Variants in PTPRD observed in about 807,000 individuals in gnomAD.
PTPRD encodes receptor-type tyrosine-protein phosphatase delta.
In PTPRD, 34 loss-of-function variants were observed where a neutral mutation model predicts 214.5. The ratio of observed to expected loss-of-function variants is 0.16; its 90% confidence interval spans 0.12 to 0.21. The LOEUF (loss-of-function observed/expected upper bound fraction) is 0.21. PTPRD is among the 10% of genes least tolerant of loss of function. The probability of loss-of-function intolerance (pLI) is 1.00; values close to 1 mark genes in which losing one functional copy is unlikely to be tolerated. For missense variants in PTPRD, 2,545 were observed against 2,398.7 expected (o/e 1.06, Z -1.27); for synonymous variants, 1,128 against 845.7 (o/e 1.33, Z -5.79).
At chr9:10,217,604 G>T (rs954844221) in intron 3 of PTPRD, among the ~76,000 whole-genome samples, 4 of 151,942 alleles carry the variant, frequency 2.6e-5, no homozygotes, top group African/African-American at 9.7e-5. Context: ...TACTTGAGAT[G>T]AGCTTAATGC....
chr9:10,260,832 G>T (rs2093642607), intron 3 of PTPRD, among the ~76,000 whole-genome samples: 1 of 151,860 alleles, frequency 6.6e-6, no homozygotes, highest in Non-Finnish European at 1.5e-5. Context: ...CCTACTAATA[G>T]CCTTGTTTGT....
At chr9:9,787,599 G>C (rs2098934646) in intron 5 of PTPRD, among the ~76,000 whole-genome samples, 2 of 151,848 alleles carry the variant, frequency 1.3e-5, no homozygotes, top group South Asian at 2.1e-4. Context: ...TTGAGGAATG[G>C]AGAAAAACAT....
Position 8,336,519 on chromosome 9 carries a change from C to T in PTPRD, c.5379+2403G>A, listed in dbSNP as rs1361840335. 4.2e-5 allele frequency among the ~76,000 whole-genome samples: 6 copies of T among 143,374 alleles called. No homozygotes were observed. The East Asian group carries it at 1.2e-3, about 30-fold the overall frequency. 94.1% of individuals were successfully genotyped at this position (143,374 alleles called of 152,430 possible). On this transcript the variant is annotated intron_variant, in intron 43 of 45. Transcript: ENST00000381196. ...AGAAGAAAACCTAGGCAATACCATT[C>T]AGGACATAGGTATACACAAAGACTT...
At chr9:10,465,030 T>C (rs1225676572) in intron 2 of PTPRD, among the ~76,000 whole-genome samples, 1 of 152,150 alleles carries the variant, frequency 6.6e-6, no homozygotes, top group Non-Finnish European at 1.5e-5. Flanking sequence ...ATCCTGCTAA[T>C]TTAAAAGACA....
chr9:9,179,634 G>A (rs1489241584), intron 10 of PTPRD, among the ~76,000 whole-genome samples: 1 of 152,092 alleles, frequency 6.6e-6, no homozygotes, highest in Non-Finnish European at 1.5e-5. Context: ...TGAGCAAAAA[G>A]ACATACACCC....
chr9:9,890,585 A>T (rs1440167685), intron 5 of PTPRD, among the ~76,000 whole-genome samples: 2 of 152,002 alleles, frequency 1.3e-5, no homozygotes, highest in Non-Finnish European at 2.9e-5. Flanking sequence ...AATATGCCAG[A>T]ATTATTTTAC....
At chr9:8,324,507 A>G (rs1012662990) in intron 44 of PTPRD, among the ~76,000 whole-genome samples, 3 of 152,106 alleles carry the variant, frequency 2.0e-5, no homozygotes, top group African/African-American at 7.2e-5. Context: ...TCATTGATGG[A>G]CATTTGGGTT....
intron 5 of PTPRD, among the ~76,000 whole-genome samples, chr9:9,808,035 G>A (rs925933678): frequency 2.6e-5 from 4 of 152,110 alleles, no homozygotes; most frequent in African/African-American, 9.7e-5. Context: ...AAATGAGAAA[G>A]GAGTGAAACC....
intron 5 of PTPRD, among the ~76,000 whole-genome samples, chr9:9,893,772 G>T (rs1005328812): frequency 6.6e-6 from 1 of 152,006 alleles, no homozygotes; most frequent in Admixed American, 6.6e-5. Flanking sequence ...TTTAAGCTTG[G>T]TTACCTCCTC....
At chr9:8,493,281 C>A (rs1183160028) in intron 26 of PTPRD, among the ~76,000 whole-genome samples, 1 of 152,120 alleles carries the variant, frequency 6.6e-6, no homozygotes, top group African/African-American at 2.4e-5. Context: ...TTGGACAGAC[C>A]AAGTATGTTT....
At chr9:8,745,032 G>A (rs1296994910) in intron 11 of PTPRD, among the ~76,000 whole-genome samples, 1 of 152,042 alleles carries the variant, frequency 6.6e-6, no homozygotes, top group African/African-American at 2.4e-5. Flanking sequence ...CTCTCACTCT[G>A]TACATATATT....
intron 11 of PTPRD, among the ~76,000 whole-genome samples, chr9:8,844,300 G>A (rs561277651): frequency 4.6e-5 from 7 of 152,086 alleles, no homozygotes; most frequent in South Asian, 4.1e-4. Flanking sequence ...CACATCCATG[G>A]TGTGTCTTTC....
At position 10,359,946 on chromosome 9, in the gene PTPRD, T is replaced by C. The variant is rs552132500; in HGVS notation, c.-599-18929A>G. ...TACAGGGAGAATTGTATATGTTGTT[T>C]TGAAAGCTGCATTTGAATCTTTTAT... is the stretch of plus-strand genomic sequence containing the variant. On this transcript the variant is annotated intron_variant, in intron 2 of 45. Coordinates refer to ENST00000381196, the MANE Select transcript of PTPRD (RefSeq NM_002839.4). Among the ~76,000 whole-genome samples, 21 of 152,350 alleles carry C rather than the reference T, an allele frequency of 1.4e-4. 1 individual carries two copies. Among genetic ancestry groups the C allele is most frequent in the African/African-American group, 4.8e-4 (20 of 41,592 alleles).
At chr9:8,984,016 G>C (rs377120628) in intron 11 of PTPRD, among the ~76,000 whole-genome samples, 1 of 151,992 alleles carries the variant, frequency 6.6e-6, no homozygotes, top group Non-Finnish European at 1.5e-5. Flanking sequence ...TTTCTAAATA[G>C]TGGCAATTTC....
At chr9:9,843,936 G>A (rs1253439833) in intron 5 of PTPRD, among the ~76,000 whole-genome samples, 3 of 151,858 alleles carry the variant, frequency 2.0e-5, no homozygotes, top group East Asian at 3.9e-4. Context: ...AGATTCATTG[G>A]GGAAGAGCTT....
At chr9:8,881,725 C>T (rs1200795014) in intron 11 of PTPRD, among the ~76,000 whole-genome samples, 1 of 152,102 alleles carries the variant, frequency 6.6e-6, no homozygotes, top group Non-Finnish European at 1.5e-5. Flanking sequence ...ACAGAATTGA[C>T]CAGAGAATGG....
At chr9:9,188,337 T>A (rs987432452) in intron 9 of PTPRD, among the ~76,000 whole-genome samples, 2 of 152,050 alleles carry the variant, frequency 1.3e-5, no homozygotes, top group Admixed American at 6.6e-5. Context: ...GCAATAAACA[T>A]CCTTGTAGAT....
intron 9 of PTPRD, among the ~76,000 whole-genome samples, chr9:9,276,100 G>A (rs1203473924): frequency 1.3e-5 from 2 of 151,234 alleles, no homozygotes; most frequent in Non-Finnish European, 3.0e-5. Context: ...CTTAACCCCA[G>A]CTAACATTTC....
chr9:10,083,445 A>G (rs2098275882), intron 3 of PTPRD, among the ~76,000 whole-genome samples: 1 of 152,080 alleles, frequency 6.6e-6, no homozygotes, highest in Non-Finnish European at 1.5e-5. Flanking sequence ...AGAAATAGAT[A>G]TACTTCTGAA....
Sources: allele counts gnomAD v4.1 joint callset (sites outside exome capture counted in the v4.1 genomes callset), GRCh38; gene constraint gnomAD v4.1.1; transcripts MANE v1.5; gene names NCBI Gene and HGNC (gene_info 2026-07-23, HGNC 2026-07-21).